The following MGAT4C variants were observed in gnomAD, a reference collection of about 807,000 sequenced individuals.
MGAT4C encodes alpha-1,3-mannosyl-glycoprotein 4-beta-N-acetylglucosaminyltransferase C.
In MGAT4C, 19 loss-of-function variants were observed where a neutral mutation model predicts 40.1. That is an observed-to-expected ratio of 0.47 (90% confidence interval 0.33 to 0.70). The LOEUF (loss-of-function observed/expected upper bound fraction) is 0.70. Ranked by LOEUF, MGAT4C falls within the 30% of genes least tolerant of loss-of-function variation. The pLI, the probability that MGAT4C is intolerant of heterozygous loss-of-function variation, is 0.02. For synonymous variants in MGAT4C, 181 were observed against 187.1 expected (o/e 0.97, Z 0.27); for missense variants, 491 against 563.2 (o/e 0.87, Z 1.30).
At chr12:86,503,661 CATATAT>C (rs1368564858) in intron 2 of MGAT4C, among the ~76,000 whole-genome samples, 1 of 16,472 alleles carries the variant, frequency 6.1e-5, no homozygotes. Flanking sequence ...GAGTTCTGCT[CATATAT>C]ATATATATGA....
chr12:86,569,497 T>A (rs1960276050), intron 2 of MGAT4C, among the ~76,000 whole-genome samples: 1 of 152,048 alleles, frequency 6.6e-6, no homozygotes, highest in Admixed American at 6.6e-5. Flanking sequence ...CCAGTTAGAA[T>A]GGCTGGGGAA....
At chr12:86,538,089 T>TAAATAAATAAAC (rs1430015945) in intron 2 of MGAT4C, among the ~76,000 whole-genome samples, 1 of 151,798 alleles carries the variant, frequency 6.6e-6, no homozygotes, top group African/African-American at 2.4e-5. Context: ...TCCATCTCAA[T>TAAATAAATAAAC]AAATAAATAA....
chr12:86,662,359 G>A lies in MGAT4C; in HGVS notation c.-229+64850C>T, dbSNP rs970396926. On this transcript the variant is annotated intron_variant, in intron 2 of 7. Coordinates refer to the MGAT4C transcript ENST00000548651. ...ATGGCTTGGGGTGAAAAATTCATATGTGTTTATTATCTATTTATCTCAGAA... is the reference window on the plus strand; with the variant it reads ...ATGGCTTGGGGTGAAAAATTCATATATGTTTATTATCTATTTATCTCAGAA... Among the ~76,000 whole-genome samples, 18 of 152,264 alleles carry A rather than the reference G, an allele frequency of 1.2e-4. 1 individual carries two copies. The East Asian group carries it at 3.5e-3, about 29-fold the overall frequency.
At chr12:86,550,238 T>C (rs1456983241) in intron 2 of MGAT4C, among the ~76,000 whole-genome samples, 1 of 152,188 alleles carries the variant, frequency 6.6e-6, no homozygotes, top group Non-Finnish European at 1.5e-5. Context: ...TTAAACCTCT[T>C]TCCTTTATAA....
At chr12:86,018,878 G>A (rs1204775651) in intron 2 of MGAT4C, among the ~76,000 whole-genome samples, 2 of 151,994 alleles carry the variant, frequency 1.3e-5, no homozygotes, top group Non-Finnish European at 2.9e-5. Flanking sequence ...GAGATTTCCT[G>A]CCACTGATTG....
intron 3 of MGAT4C, among the ~76,000 whole-genome samples, chr12:86,370,211 A>C (rs1955688848): frequency 6.6e-6 from 1 of 152,032 alleles, no homozygotes; most frequent in Admixed American, 6.6e-5. Context: ...AAGGACTCAT[A>C]ATATAGTGTA....
At chr12:86,159,163 G>A (rs1358995820) in intron 1 of MGAT4C, among the ~76,000 whole-genome samples, 1 of 152,092 alleles carries the variant, frequency 6.6e-6, no homozygotes, top group Non-Finnish European at 1.5e-5. Flanking sequence ...GATGTAGTCC[G>A]TGGGTGTGTC....
chr12:86,461,236 CTTTTTTT>C (rs1182920834), intron 2 of MGAT4C, among the ~76,000 whole-genome samples: 1 of 132,676 alleles, frequency 7.5e-6, no homozygotes, highest in East Asian at 2.1e-4. Context: ...TACACATCTT[CTTTTTTT>C]TTTTTTTTTT....
chr12:86,025,001 C>A (rs1008799837), intron 2 of MGAT4C, among the ~76,000 whole-genome samples: 1 of 151,304 alleles, frequency 6.6e-6, no homozygotes, highest in South Asian at 2.1e-4. Flanking sequence ...GGCTTAACTT[C>A]GGATGAAACC....
At chr12:86,649,767 T>A (rs1326808759) in intron 2 of MGAT4C, among the ~76,000 whole-genome samples, 1 of 151,892 alleles carries the variant, frequency 6.6e-6, no homozygotes, top group Non-Finnish European at 1.5e-5. Flanking sequence ...CAAAATCCTG[T>A]AAAATATCAA....
At chr12:86,128,595 T>G (rs773630378) in intron 1 of MGAT4C, among the ~76,000 whole-genome samples, 3 of 152,172 alleles carry the variant, frequency 2.0e-5, no homozygotes, top group Non-Finnish European at 4.4e-5. Context: ...GAAAACAGAC[T>G]AATAGGCATG....
intron 2 of MGAT4C, among the ~76,000 whole-genome samples, chr12:86,525,111 C>T (rs1958858796): frequency 6.6e-6 from 1 of 152,162 alleles, no homozygotes; most frequent in African/African-American, 2.4e-5. Flanking sequence ...ACTCAAACCT[C>T]ATCTTGAATT....
intron 2 of MGAT4C, among the ~76,000 whole-genome samples, chr12:86,038,366 T>C (rs1891450498): frequency 6.7e-6 from 1 of 149,584 alleles, no homozygotes; most frequent in African/African-American, 2.4e-5. Context: ...ATTTAGCTTT[T>C]TCCCAACACT....
At chr12:86,113,636 A>G (rs1285583315) in intron 1 of MGAT4C, among the ~76,000 whole-genome samples, 1 of 151,918 alleles carries the variant, frequency 6.6e-6, no homozygotes, top group Non-Finnish European at 1.5e-5. Context: ...AATTTAGAAC[A>G]GAAAGAGAAG....
intron 2 of MGAT4C, among the ~76,000 whole-genome samples, chr12:86,499,789 A>G (rs1011512403): frequency 3.3e-5 from 5 of 152,004 alleles, no homozygotes; most frequent in African/African-American, 7.2e-5. Flanking sequence ...TTAAAATATC[A>G]TACACTCTTG....
chr12:86,566,570 A>ATATATG (rs71078911), intron 2 of MGAT4C, among the ~76,000 whole-genome samples: 1,959 of 38,558 alleles, frequency 0.051, 292 homozygotes, highest in South Asian at 0.11. Context: ...ATATATATAT[A>ATATATG]TATATGTATA....
At chr12:86,757,489 G>T (rs1470106109) in intron 1 of MGAT4C, among the ~76,000 whole-genome samples, 1 of 152,130 alleles carries the variant, frequency 6.6e-6, no homozygotes, top group South Asian at 2.1e-4. Flanking sequence ...AGAGATGCGT[G>T]TGTGTAAATG....
At chr12:85,986,894 G>A (rs1455854841) in intron 3 of MGAT4C, among the ~76,000 whole-genome samples, 3 of 151,966 alleles carry the variant, frequency 2.0e-5, no homozygotes, top group African/African-American at 7.2e-5. Flanking sequence ...AAGAATAATT[G>A]TAATGCAATT....
chr12:86,458,232 C>A (rs185638839), intron 2 of MGAT4C, among the ~76,000 whole-genome samples: 3 of 151,992 alleles, frequency 2.0e-5, no homozygotes, highest in Admixed American at 2.0e-4. Context: ...CTAAGCCATG[C>A]CTGATTTTTA....
Sources: gnomAD v4.1 joint callset for allele counts (sites outside exome capture counted in the v4.1 genomes callset) on GRCh38, gnomAD v4.1.1 for gene constraint, MANE v1.5 for transcripts, NCBI Gene and HGNC (gene_info 2026-07-23, HGNC 2026-07-21) for gene names.